Variants in ATF1 observed in about 807,000 individuals in gnomAD.
ATF1 encodes the protein activating transcription factor 1, also known as cyclic AMP-dependent transcription factor ATF-1.
ATF1 carries 16 observed loss-of-function variants against 34.7 expected under a neutral mutation model. That is an observed-to-expected ratio of 0.46 (90% CI 0.31 to 0.70). The LOEUF (loss-of-function observed/expected upper bound fraction) is 0.70. Ranked by LOEUF, ATF1 falls within the 30% of genes least tolerant of loss-of-function variation. The pLI, the probability that ATF1 is intolerant of heterozygous loss-of-function variation, is 0.05. For synonymous variants in ATF1, 105 were observed against 113.1 expected (o/e 0.93, Z 0.46); for missense variants, 255 against 321.6 (o/e 0.79, Z 1.58).
intron 1 of ATF1, among the ~76,000 whole-genome samples, chr12:50,773,911 G>A (rs1592167311): frequency 6.6e-6 from 1 of 152,044 alleles, no homozygotes; most frequent in Admixed American, 6.6e-5. Context: ...TTTGACTGAC[G>A]TGAGATGGTA....
chr12:50,784,901 TTTA>T (rs869063984), intron 2 of ATF1, among the ~76,000 whole-genome samples: 3 of 143,116 alleles, frequency 2.1e-5, no homozygotes, highest in Non-Finnish European at 3.2e-5. Flanking sequence ...TTATTTATTA[TTTA>T]TTATTATTAT....
intron 3 of ATF1, among the ~76,000 whole-genome samples, chr12:50,796,474 G>A (rs999125755): frequency 2.0e-5 from 3 of 152,026 alleles, no homozygotes; most frequent in Non-Finnish European, 2.9e-5. Flanking sequence ...GCTGAGGCGG[G>A]CAGATCACCT....
chr12:50,807,599 T>C (rs1941640127), intron 3 of ATF1, among the ~76,000 whole-genome samples: 1 of 152,120 alleles, frequency 6.6e-6, no homozygotes, highest in South Asian at 2.1e-4. Context: ...GAAGTTGGCA[T>C]AGATAAAATA....
In ATF1 at chr12:50,813,098, G is replaced by A. The variant is rs146527078; in HGVS notation, c.329-912G>A. 1.1e-3 allele frequency among the ~76,000 whole-genome samples: 165 copies of A among 152,282 alleles called. 1 individual carries two copies. Among genetic ancestry groups the A allele is most frequent in the African/African-American group, 3.6e-3 (149 of 41,552 alleles). On this transcript the variant is annotated intron_variant, in intron 4 of 6. Transcript: ENST00000262053. ...TATGGGAATTGAATAATGCTAAAATGTTTTCTATTTGATCATGCCTTATGG... is the reference window on the plus strand; with the variant it reads ...TATGGGAATTGAATAATGCTAAAATATTTTCTATTTGATCATGCCTTATGG...
At chr12:50,818,321 G>T (rs1273276828) in intron 6 of ATF1, among the ~76,000 whole-genome samples, 1 of 152,070 alleles carries the variant, frequency 6.6e-6, no homozygotes, top group East Asian at 1.9e-4. Context: ...CTGAAGTGGG[G>T]ATATCTTGAG....
chr12:50,813,908 T>C, intron 4 of ATF1, 102 bp from the exon 5 acceptor site: 1 of 1,143,532 alleles, frequency 8.7e-7, no homozygotes, highest in Non-Finnish European at 1.2e-6. Flanking sequence ...AGAAGTGCAT[T>C]CATACCTGTT....
At chr12:50,768,891 T>G (rs986988273) in intron 1 of ATF1, among the ~76,000 whole-genome samples, 4 of 152,216 alleles carry the variant, frequency 2.6e-5, no homozygotes, top group African/African-American at 9.6e-5. Flanking sequence ...TTAAAGCCAT[T>G]AGATTCTAGA....
chr12:50,790,082 C>T (rs1941268847), intron 2 of ATF1, among the ~76,000 whole-genome samples: 1 of 151,984 alleles, frequency 6.6e-6, no homozygotes, highest in African/African-American at 2.4e-5. Flanking sequence ...TCCTATCATA[C>T]GCTCTCTCCA....
In ATF1 at chr12:50,819,686, G is replaced by C. The variant is rs1390861730; in HGVS notation, c.723G>C (p.Leu241=). The change falls in exon 7 of 7, where the codon CTG becomes CTC. Residue 241 remains leucine, a synonymous_variant. Coordinates refer to ENST00000262053, the MANE Select transcript of ATF1 (RefSeq NM_005171.5). ...AGAAGAAAGAATATGTGAAATGCCT[G>C]GAAAACCGAGTTGCAGTCCTGGAAA... ...RRKKKEYVKC[L]ENRVAVLENQ... is the part of the protein sequence containing the mutation. The C allele has an allele frequency of 1.2e-6, 2 of 1,611,890 alleles. No individual in the cohort carries two copies. The highest frequency in any genetic ancestry group is 4.5e-5 in the East Asian group (2 of 44,766).
At chr12:50,814,218 A>G (rs953935464) in intron 5 of ATF1, 26 bp downstream of exon 5, 2 of 1,613,364 alleles carry the variant, frequency 1.2e-6, no homozygotes, top group Non-Finnish European at 1.7e-6. Flanking sequence ...GTCTACAGAA[A>G]GTCTCCTAAC....
At chr12:50,796,907 G>C (rs1460369925) in intron 3 of ATF1, among the ~76,000 whole-genome samples, 2 of 151,978 alleles carry the variant, frequency 1.3e-5, no homozygotes, top group Non-Finnish European at 1.5e-5. Flanking sequence ...AAATAAATGG[G>C]ACTACGTCAA....
chr12:50,793,378 C>T (rs938553315), intron 2 of ATF1, among the ~76,000 whole-genome samples: 1 of 152,098 alleles, frequency 6.6e-6, no homozygotes, highest in Non-Finnish European at 1.5e-5. Flanking sequence ...GTAATCCCAG[C>T]ACTTTGGGAT....
intron 3 of ATF1, among the ~76,000 whole-genome samples, chr12:50,804,130 CAA>C (rs962756475): frequency 3.3e-5 from 5 of 151,982 alleles, no homozygotes; most frequent in Non-Finnish European, 5.9e-5. Flanking sequence ...TTTAAAAAGA[CAA>C]AGATTATTAG....
intron 2 of ATF1, among the ~76,000 whole-genome samples, chr12:50,784,035 T>C (rs1037716552): frequency 1.3e-5 from 2 of 151,882 alleles, no homozygotes; most frequent in African/African-American, 2.4e-5. Context: ...TGGTGGCGTT[T>C]GTCTGCAGTC....
chr12:50,797,326 G>A (rs542507524), intron 3 of ATF1, among the ~76,000 whole-genome samples: 19 of 152,268 alleles, frequency 1.2e-4, no homozygotes, highest in African/African-American at 4.3e-4. Context: ...AAGTAAAACT[G>A]GAGAACACCA....
intron 1 of ATF1, among the ~76,000 whole-genome samples, 179 bp from the exon 2 acceptor site, chr12:50,779,961 T>TAAATAA (rs1941018425): frequency 6.6e-6 from 1 of 152,202 alleles, no homozygotes; most frequent in Non-Finnish European, 1.5e-5. Flanking sequence ...AACATGTTTT[T>TAAATAA]GTGGGCCAAA....
rs569144414 is a variant in ATF1 at position 50,767,092 on chromosome 12, A to G, written c.-7+2785A>G. 4.6e-5 allele frequency among the ~76,000 whole-genome samples: 7 copies of G among 152,316 alleles called. No individual in the cohort carries two copies. The East Asian group carries it at 7.7e-4, about 17-fold the overall frequency. ...TGGCCCCCAGGGCAATGATGCTGCA[A>G]GCTTGAACACTAGGACCACTAAGGG... On this transcript the variant is annotated intron_variant, in intron 1 of 6. Transcript: ENST00000262053.
At position 50,797,015 on chromosome 12, in the gene ATF1, T is replaced by TA. The variant is rs1337909075; in HGVS notation, c.194+1008dup. On this transcript the variant is annotated intron_variant, in intron 3 of 6. Coordinates refer to ENST00000262053, the MANE Select transcript of ATF1 (RefSeq NM_005171.5). The stretch of plus-strand genomic sequence containing the variant: ...AATTATTTGCAAACCACTTATCTGA[T>TA]AAGGGGTTAATACCCGTAACTGAAG... Among the ~76,000 whole-genome samples the TA allele has an allele frequency of 6.6e-5, 10 of 152,178 alleles. No homozygotes were observed. The East Asian group carries it at 1.9e-3, about 29-fold the overall frequency.
intron 2 of ATF1, among the ~76,000 whole-genome samples, chr12:50,786,910 T>A (rs1254862576): frequency 6.6e-6 from 1 of 152,074 alleles, no homozygotes; most frequent in Non-Finnish European, 1.5e-5. Context: ...GATGCAGAGA[T>A]GAAGCCTAAG....
Sources: gnomAD v4.1 joint callset for allele counts (sites outside exome capture counted in the v4.1 genomes callset) on GRCh38, gnomAD v4.1.1 for gene constraint, MANE v1.5 for transcripts, NCBI Gene and HGNC (gene_info 2026-07-23, HGNC 2026-07-21) for gene names.